The following DCC variants were observed in gnomAD, a reference collection of about 807,000 sequenced individuals.
The protein encoded by DCC is DCC netrin 1 receptor.
Under a neutral mutation model 172.5 loss-of-function variants are expected in DCC, and 58 were observed. The ratio of observed to expected loss-of-function variants is 0.34; its 90% CI spans 0.27 to 0.42. The LOEUF (loss-of-function observed/expected upper bound fraction) is 0.42. DCC is among the 10% of genes least tolerant of loss of function. The pLI is 1.00. For missense variants in DCC, 1,740 were observed against 1,791.0 expected, an observed-to-expected ratio of 0.97 and a Z score of 0.51; for synonymous variants, 709 against 644.5, an observed-to-expected ratio of 1.10 and a Z score of -1.52.
intron 1 of DCC, among the ~76,000 whole-genome samples, chr18:52,411,509 C>A (rs535976251): frequency 1.3e-5 from 2 of 152,182 alleles, no homozygotes; most frequent in African/African-American, 4.8e-5. Context: ...AAAATTCTCC[C>A]AGTTACCTGG....
intron 23 of DCC, among the ~76,000 whole-genome samples, chr18:53,451,153 A>T (rs1599165222): frequency 6.6e-6 from 1 of 152,200 alleles, no homozygotes; most frequent in African/African-American, 2.4e-5. Flanking sequence ...GTTGGTGCTT[A>T]GTTTGGAGGC....
In DCC at chr18:52,641,655, C is replaced by A. The variant is rs1280046586; in HGVS notation, c.92-110399C>A. 2.0e-5 allele frequency among the ~76,000 whole-genome samples: 3 copies of A among 151,988 alleles called. No individual in the cohort carries two copies. The East Asian group carries it at 5.8e-4, about 29-fold the overall frequency. On this transcript the variant is annotated intron_variant, in intron 1 of 28. Transcript: ENST00000442544. ...ATGATCAGGGAAATGCAAATCAAAACCACAATGCAATACCACCTTATTCCT... is the reference window on the plus strand; with the variant it reads ...ATGATCAGGGAAATGCAAATCAAAAACACAATGCAATACCACCTTATTCCT...
At chr18:53,501,076 C>T (rs867494510) in intron 27 of DCC, among the ~76,000 whole-genome samples, 8 of 152,166 alleles carry the variant, frequency 5.3e-5, no homozygotes, top group Non-Finnish European at 7.3e-5. Flanking sequence ...TTCCCCACTG[C>T]AAGCACAACC....
At chr18:52,860,736 A>G (rs965814464) in intron 2 of DCC, among the ~76,000 whole-genome samples, 1 of 152,186 alleles carries the variant, frequency 6.6e-6, no homozygotes, top group South Asian at 2.1e-4. Context: ...GCTGTGCTTC[A>G]TGCCTGTAAT....
chr18:52,971,185 C>T (rs920973175), intron 5 of DCC, among the ~76,000 whole-genome samples: 2 of 152,116 alleles, frequency 1.3e-5, no homozygotes, highest in Non-Finnish European at 2.9e-5. Context: ...AGTGCAGCTT[C>T]TAGAGCCTCA....
At chr18:52,383,396 T>C (rs564082791) in intron 1 of DCC, among the ~76,000 whole-genome samples, 2 of 152,212 alleles carry the variant, frequency 1.3e-5, no homozygotes, top group East Asian at 3.9e-4. Flanking sequence ...TTTTATGTGA[T>C]GGTTAGACAA....
intron 2 of DCC, chr18:52,816,613 G>A (rs569086615): frequency 6.6e-6 from 1 of 152,216 alleles, no homozygotes; most frequent in East Asian, 1.9e-4. Context: ...ACCACTGAGT[G>A]TTACCATTCC....
intron 1 of DCC, among the ~76,000 whole-genome samples, chr18:52,425,826 C>A (rs928350687): frequency 6.6e-5 from 10 of 152,074 alleles, no homozygotes; most frequent in African/African-American, 2.4e-4. Context: ...GTATTAAGTT[C>A]TCATACATAA....
chr18:53,187,398 A>C (rs2144502863), intron 9 of DCC, among the ~76,000 whole-genome samples: 1 of 152,304 alleles, frequency 6.6e-6, no homozygotes, highest in East Asian at 1.9e-4. Context: ...CTGGGATTAC[A>C]GGAGTGAACC....
chr18:53,114,172 T>G (rs2043376753), intron 7 of DCC, among the ~76,000 whole-genome samples: 1 of 151,524 alleles, frequency 6.6e-6, no homozygotes, highest in African/African-American at 2.4e-5. Context: ...TACCAAACAG[T>G]CATTTATAAT....
intron 15 of DCC, among the ~76,000 whole-genome samples, chr18:53,376,166 C>A (rs568941750): frequency 1.1e-4 from 16 of 152,096 alleles, no homozygotes; most frequent in South Asian, 1.0e-3. Context: ...CTGAGGCAGG[C>A]GGATCACTTG....
At chr18:53,439,884 C>T (rs1266072376) in intron 22 of DCC, among the ~76,000 whole-genome samples, 1 of 149,362 alleles carries the variant, frequency 6.7e-6, no homozygotes, top group Non-Finnish European at 1.5e-5. Flanking sequence ...CCTGCCTCAG[C>T]CTCCCAAGTA....
chr18:52,693,448 A>G (rs2035962939), intron 1 of DCC, among the ~76,000 whole-genome samples: 1 of 147,538 alleles, frequency 6.8e-6, no homozygotes, highest in Non-Finnish European at 1.5e-5. Flanking sequence ...TGGGATATAT[A>G]TCTTTATATC....
chr18:53,113,485 A>G (rs1038572450), intron 7 of DCC, among the ~76,000 whole-genome samples: 3 of 151,482 alleles, frequency 2.0e-5, no homozygotes, highest in Admixed American at 6.6e-5. Flanking sequence ...CCTTTAAAAA[A>G]ACAGATTCTA....
chr18:53,248,852 A>C (rs73957125), intron 12 of DCC, among the ~76,000 whole-genome samples: 6,435 of 152,116 alleles, frequency 0.042, 424 homozygotes, highest in African/African-American at 0.14. Flanking sequence ...ATAAACACAA[A>C]AATTGTTTTA....
chr18:52,883,105 AT>A (rs1251717465), intron 2 of DCC, among the ~76,000 whole-genome samples: 1 of 151,524 alleles, frequency 6.6e-6, no homozygotes, highest in East Asian at 1.9e-4. Flanking sequence ...GGCATGGGGT[AT>A]TTTTTTCTAT....
At chr18:52,762,064 G>A (rs1054012438) in intron 2 of DCC, among the ~76,000 whole-genome samples, 8 of 152,126 alleles carry the variant, frequency 5.3e-5, no homozygotes, top group African/African-American at 1.9e-4. Context: ...TGGGCCAGAT[G>A]GAGCTATGGA....
intron 1 of DCC, among the ~76,000 whole-genome samples, chr18:52,539,538 G>A (rs950331473): frequency 2.6e-5 from 4 of 152,170 alleles, no homozygotes; most frequent in African/African-American, 4.8e-5. Flanking sequence ...AACTGCACAT[G>A]CAAGGGATCC....
chr18:53,237,034 C>T (rs2056213725), intron 12 of DCC: 2 of 151,252 alleles, frequency 1.3e-5, no homozygotes, highest in South Asian at 4.2e-4. Context: ...CTTTTTTTTC[C>T]AAAATGGAAT....
Sources: gnomAD v4.1 joint callset for allele counts (sites outside exome capture counted in the v4.1 genomes callset) on GRCh38, gnomAD v4.1.1 for gene constraint, MANE v1.5 for transcripts, NCBI Gene and HGNC (gene_info 2026-07-23, HGNC 2026-07-21) for gene names.